The following C7 variants were observed in gnomAD, a reference collection of about 807,000 sequenced individuals.
The protein encoded by C7 is complement C7.
C7 carries 83 observed loss-of-function variants against 104.8 expected under a neutral mutation model. The observed-to-expected ratio is 0.79, with a 90% CI of 0.66 to 0.95. C7 has a LOEUF of 0.95. Ranked by LOEUF, C7 falls within the 40% of genes least tolerant of loss-of-function variation. The probability of loss-of-function intolerance (pLI) is 0.00; values close to 1 mark genes in which losing one functional copy is unlikely to be tolerated. For missense variants in C7, 1,070 were observed against 1,011.2 expected (o/e 1.06, Z -0.79); for synonymous variants, 415 against 360.6 (o/e 1.15, Z -1.71).
At chr5:40,918,249 C>T (rs1031685854) in intron 1 of C7, among the ~76,000 whole-genome samples, 2 of 152,030 alleles carry the variant, frequency 1.3e-5, no homozygotes, top group East Asian at 1.9e-4. Flanking sequence ...GTCCCAGCTA[C>T]TCACAAAGGC....
chr5:40,963,326 A>T (rs893335170), intron 13 of C7, among the ~76,000 whole-genome samples: 9 of 152,202 alleles, frequency 5.9e-5, no homozygotes, highest in African/African-American at 1.7e-4. Context: ...TAATTTCTAC[A>T]AGTGATTATG....
intron 14 of C7, among the ~76,000 whole-genome samples, chr5:40,971,147 T>C (rs147512353): frequency 0.25 from 37,909 of 152,082 alleles, 4,841 homozygotes; most frequent in South Asian, 0.4. Flanking sequence ...TCTAGATCCT[T>C]GAGGAATTGC....
intron 14 of C7, among the ~76,000 whole-genome samples, chr5:40,971,597 C>A (rs1016881050): frequency 6.6e-6 from 1 of 152,126 alleles, no homozygotes; most frequent in Non-Finnish European, 1.5e-5. Context: ...TTAATTAGAT[C>A]CCATTTGTCA....
chr5:40,930,239 T>G (rs1370202154), intron 2 of C7, among the ~76,000 whole-genome samples: 2 of 136,622 alleles, frequency 1.5e-5, no homozygotes, highest in Non-Finnish European at 3.1e-5. Context: ...GGAGTCGCCC[T>G]CTGTCACCCA....
chr5:40,920,490 C>A (rs955467034), intron 1 of C7, among the ~76,000 whole-genome samples: 1 of 143,854 alleles, frequency 7.0e-6, no homozygotes, highest in African/African-American at 2.6e-5. Context: ...TCTGAACATA[C>A]CAATAATGAG....
chr5:40,936,689 C>T (rs34795475), intron 5 of C7, among the ~76,000 whole-genome samples: 25,875 of 152,064 alleles, frequency 0.17, 2,225 homozygotes, highest in African/African-American at 0.18. Context: ...AGAGTGACCC[C>T]TTGTCCTGGG....
intron 6 of C7, among the ~76,000 whole-genome samples, chr5:40,942,392 G>A (rs775352214): frequency 8.5e-5 from 13 of 152,086 alleles, no homozygotes; most frequent in Non-Finnish European, 1.5e-4. Flanking sequence ...ATGCAATACA[G>A]AGAAGAGAGA....
At position 40,964,574 on chromosome 5, in the gene C7, G is replaced by T. The variant is rs572710793; in HGVS notation, c.1750-167G>T. On this transcript the variant is annotated intron_variant, in intron 13 of 17. Transcript: ENST00000313164. ...TTTATTTCAATTAATGGTGGTGCTAGTGTTACTAACTATATAGGGGAAAAT... is the reference window on the plus strand; with the variant it reads ...TTTATTTCAATTAATGGTGGTGCTATTGTTACTAACTATATAGGGGAAAAT... 166 of 547,354 alleles carry T rather than the reference G, an allele frequency of 3.0e-4. 1 individual carries two copies. The highest frequency in any genetic ancestry group is 2.7e-3 in the African/African-American group (144 of 52,440). The allele number at this position is 547,354 out of a possible 1,614,324, so 33.9% of individuals were successfully genotyped here. A position where few individuals can be genotyped will look rare whatever the true frequency, so the allele number is the denominator to read the frequency against.
intron 1 of C7, among the ~76,000 whole-genome samples, chr5:40,909,929 C>T (rs1357877724): frequency 6.7e-6 from 1 of 148,894 alleles, no homozygotes; most frequent in Admixed American, 6.7e-5. Flanking sequence ...TAAAGAAATA[C>T]AATAGTACTA....
chr5:40,972,270 G>A (rs1009081010), intron 14 of C7, 133 bp from the exon 15 acceptor site: 4 of 738,792 alleles, frequency 5.4e-6, no homozygotes, highest in Non-Finnish European at 9.2e-6. Flanking sequence ...CACCCTAACA[G>A]TGAACTTACG....
Position 40,936,494 on chromosome 5 carries a change from C to T in C7, c.428+9C>T, listed in dbSNP as rs373620216. The T allele has an allele frequency of 8.7e-6, 14 of 1,610,854 alleles. No homozygotes were observed. The highest frequency in any genetic ancestry group is 1.2e-5 in the Non-Finnish European group (14 of 1,178,448). On this transcript the variant is annotated intron_variant, in intron 5 of 17. Coordinates refer to ENST00000313164, the MANE Select transcript of C7 (RefSeq NM_000587.4). ...GAACTTACTGGAAATGGGTAAGGTG[C>T]TGGGCAGCCTCCTGAGTACATCAGT...
At chr5:40,913,846 A>AT (rs1329770135) in intron 1 of C7, among the ~76,000 whole-genome samples, 1 of 151,738 alleles carries the variant, frequency 6.6e-6, no homozygotes, top group East Asian at 1.9e-4. Flanking sequence ...TGCCTGGTTA[A>AT]TTTTTTGTAT....
chr5:40,962,528 CT>C (rs142747602), intron 13 of C7, among the ~76,000 whole-genome samples: 2,767 of 150,224 alleles, frequency 0.018, 77 homozygotes, highest in African/African-American at 0.062. Flanking sequence ...TTGCCACTGA[CT>C]TTTTTTTTTC....
chr5:40,911,919 T>A (rs1450965789), intron 1 of C7, among the ~76,000 whole-genome samples: 1 of 151,400 alleles, frequency 6.6e-6, no homozygotes, highest in African/African-American at 2.4e-5. Context: ...TTGTATTTTT[T>A]TTTTTTTTTT....
At chr5:40,957,367 T>C (rs1210641354) in intron 10 of C7, among the ~76,000 whole-genome samples, 2 of 152,250 alleles carry the variant, frequency 1.3e-5, no homozygotes, top group Admixed American at 6.5e-5. Context: ...CTAAGAGATA[T>C]GTTAAATCTC....
At chr5:40,936,667 T>C (rs1308052387) in intron 5 of C7, among the ~76,000 whole-genome samples, 182 bp downstream of exon 5, 1 of 152,106 alleles carries the variant, frequency 6.6e-6, no homozygotes, top group African/African-American at 2.4e-5. Flanking sequence ...TGTAGATACA[T>C]GTGGTAGATG....
chr5:40,945,452 G>T, intron 7 of C7, 84 bp downstream of exon 7: 1 of 898,210 alleles, frequency 1.1e-6, no homozygotes, highest in Non-Finnish European at 1.6e-6. Context: ...TTATCAAAAG[G>T]ATCAGCTTTC....
chr5:40,936,581 AATAGGCAAGATTATTCATTGGCTC>A (rs1739822972), intron 5 of C7, 96 bp downstream of exon 5: 1 of 1,136,322 alleles, frequency 8.8e-7, no homozygotes, highest in African/African-American at 1.6e-5. Context: ...CAAGTCTTCT[AATAGGCAAGATTATTCATTGGCTC>A]AGAGCTCTTT....
intron 8 of C7, among the ~76,000 whole-genome samples, chr5:40,948,628 A>C (rs1227449249): frequency 2.0e-5 from 3 of 152,178 alleles, no homozygotes; most frequent in Admixed American, 6.6e-5. Context: ...AGTCCTCACT[A>C]TCTGTCTAGA....
Sources: allele counts gnomAD v4.1 joint callset (sites outside exome capture counted in the v4.1 genomes callset), GRCh38; gene constraint gnomAD v4.1.1; transcripts MANE v1.5; gene names NCBI Gene and HGNC (gene_info 2026-07-23, HGNC 2026-07-21).